The following ZDHHC15 variants were observed in gnomAD, a reference collection of about 807,000 sequenced individuals.
ZDHHC15 encodes zDHHC palmitoyltransferase 15, also known as palmitoyltransferase ZDHHC15.
In ZDHHC15, 19 loss-of-function variants were observed where a neutral mutation model predicts 31.7. The observed-to-expected ratio is 0.60, with a 90% confidence interval of 0.42 to 0.88. The LOEUF is 0.88. Among genes scored for constraint, ZDHHC15 ranks in the 40% least tolerant of loss-of-function variants. ZDHHC15 has a pLI of 0.00. For missense variants in ZDHHC15, 209 were observed against 251.2 expected (o/e 0.83, Z 1.14); for synonymous variants, 103 against 90.0 (o/e 1.14, Z -0.82).
chrX:75,495,783 C>G (rs5938084), intron 2 of ZDHHC15, among the ~76,000 whole-genome samples: 5,683 of 41,386 alleles, frequency 0.14, 459 homozygotes, highest in African/African-American at 0.35. Context: ...GACTGTTGTA[C>G]GGTGGGGGGA....
At chrX:75,390,477 C>T (rs1269240226) in intron 10 of ZDHHC15, among the ~76,000 whole-genome samples, 1 of 111,669 alleles carries the variant, frequency 9.0e-6, no homozygotes, top group East Asian at 2.8e-4. Flanking sequence ...TGTGTTACCC[C>T]TCTCCTAGCT....
intron 3 of ZDHHC15, among the ~76,000 whole-genome samples, chrX:75,462,203 A>G (rs2084328028): frequency 8.9e-6 from 1 of 112,585 alleles, no homozygotes; most frequent in African/African-American, 3.2e-5. Context: ...ATAATGGAAA[A>G]AGGTTCAATT....
chrX:75,445,430 A>G (rs80216438), intron 4 of ZDHHC15, among the ~76,000 whole-genome samples: 1 of 112,016 alleles, frequency 8.9e-6, no homozygotes, highest in Non-Finnish European at 1.9e-5. Flanking sequence ...GTGACTATAT[A>G]TGATAATATT....
chrX:75,443,717 A>G (rs1324577613), intron 4 of ZDHHC15, among the ~76,000 whole-genome samples: 1 of 112,323 alleles, frequency 8.9e-6, no homozygotes, highest in Non-Finnish European at 1.9e-5. Flanking sequence ...CAATCTACCC[A>G]TCTGACAAAG....
intron 11 of ZDHHC15, among the ~76,000 whole-genome samples, chrX:75,374,511 A>G: frequency 9.0e-6 from 1 of 110,516 alleles, no homozygotes. Flanking sequence ...TGCCTACCAT[A>G]TGACTTAGCC....
Position 75,382,614 on chromosome X carries a change from T to G in ZDHHC15, c.968-3416A>C, listed in dbSNP as rs1194550933. Among the ~76,000 whole-genome samples the G allele has an allele frequency of 3.6e-5, 4 of 112,142 alleles. 1 individual carries two copies. The highest frequency in any genetic ancestry group is 3.8e-5 in the Non-Finnish European group (2 of 53,242). On this transcript the variant is annotated intron_variant, in intron 10 of 11. Coordinates refer to ENST00000373367, the MANE Select transcript of ZDHHC15 (RefSeq NM_144969.3). ...GATGTGTTAAGAGGGAACAAGTAAG[T>G]GTATATCGAGAGAATACACGAAGAA... is the stretch of plus-strand genomic sequence containing the variant.
intron 3 of ZDHHC15, among the ~76,000 whole-genome samples, chrX:75,459,985 C>T (rs1283967468): frequency 8.9e-6 from 1 of 111,920 alleles, no homozygotes; most frequent in Non-Finnish European, 1.9e-5. Context: ...AAGCGATTTT[C>T]CTGCCTCAGC....
Position 75,515,894 on chromosome X carries a change from T to C in ZDHHC15, c.136+6995A>G, listed in dbSNP as rs774722914. Among the ~76,000 whole-genome samples the C allele has an allele frequency of 7.1e-5, 8 of 111,976 alleles. No homozygotes were observed. In the South Asian group the frequency reaches 3.0e-3, roughly 42 times the overall value. On this transcript the variant is annotated intron_variant, in intron 1 of 11. Transcript: ENST00000373367. ...AAGCAACTTCAGCAAAGTCTCAGGA[T>C]ACCAAATCAATGTGCAAAAATCACA...
intron 2 of ZDHHC15, among the ~76,000 whole-genome samples, chrX:75,495,495 G>T (rs1422731261): frequency 1.8e-5 from 2 of 110,404 alleles, no homozygotes; most frequent in African/African-American, 3.3e-5. Flanking sequence ...TGTTTATTGC[G>T]GCACTATTCA....
chrX:75,521,263 C>T (rs764558773), intron 1 of ZDHHC15, among the ~76,000 whole-genome samples: 5 of 110,511 alleles, frequency 4.5e-5, no homozygotes, highest in Admixed American at 3.9e-4. Context: ...ATTACAGTGT[C>T]GAAGTGACAA....
intron 10 of ZDHHC15, among the ~76,000 whole-genome samples, chrX:75,409,293 A>G (rs2147814597): frequency 9.1e-6 from 1 of 109,318 alleles, no homozygotes; most frequent in South Asian, 4.0e-4. Flanking sequence ...GGAGTTTGAG[A>G]CCAGCATGGC....
At chrX:75,377,458 T>G (rs947280730) in intron 11 of ZDHHC15, among the ~76,000 whole-genome samples, 2 of 108,597 alleles carry the variant, frequency 1.8e-5, no homozygotes, top group Non-Finnish European at 3.8e-5. Flanking sequence ...ATCACTCCAC[T>G]GCACTCCAAC....
intron 1 of ZDHHC15, among the ~76,000 whole-genome samples, chrX:75,508,784 T>A (rs1244289158): frequency 4.5e-5 from 5 of 111,012 alleles, no homozygotes; most frequent in Non-Finnish European, 9.5e-5. Context: ...AGTGTTCCTA[T>A]TTCTCCACAT....
intron 3 of ZDHHC15, among the ~76,000 whole-genome samples, chrX:75,458,270 A>C (rs1345584637): frequency 8.9e-6 from 1 of 111,828 alleles, no homozygotes; most frequent in Non-Finnish European, 1.9e-5. Context: ...AGGCAAAACC[A>C]ATCTATGGTG....
Position 75,370,040 on chromosome X carries a change from T to C in ZDHHC15, c.*2938A>G, listed in dbSNP as rs1434451533. 1.8e-5 allele frequency: 2 copies of C among 111,765 alleles called. No homozygotes were observed. Among genetic ancestry groups the C allele is most frequent in the African/African-American group, 6.5e-5 (2 of 30,700 alleles). The allele number at this position is 111,765 out of a possible 1,213,427, so 9.2% of individuals were successfully genotyped here. A position where few individuals can be genotyped will look rare whatever the true frequency, so the allele number is the denominator to read the frequency against. On this transcript the variant is annotated 3_prime_UTR_variant, in exon 12 of 12. Transcript: ENST00000373367. Reference sequence around the variant, plus strand: ...ATGGAAGAACATTAACAAAGTGCTCTAAGTCCTGCAAGAACAAATCAGCAA... The same window carrying C: ...ATGGAAGAACATTAACAAAGTGCTCCAAGTCCTGCAAGAACAAATCAGCAA...
intron 3 of ZDHHC15, among the ~76,000 whole-genome samples, chrX:75,463,878 C>T (rs149024319): frequency 8.0e-3 from 892 of 111,824 alleles, no homozygotes; most frequent in Middle Eastern, 0.014. Flanking sequence ...ACAGTGTGGC[C>T]ATTCCTCAAG....
intron 1 of ZDHHC15, among the ~76,000 whole-genome samples, chrX:75,518,790 TATATATATATATATATACACAC>T (rs2085401175): frequency 3.9e-5 from 1 of 25,550 alleles, no homozygotes; most frequent in African/African-American, 1.1e-4. Context: ...TATATATATA[TATATATATATATATATACACAC>T]ACACACACAC....
At chrX:75,468,164 G>A (rs965343625) in intron 3 of ZDHHC15, among the ~76,000 whole-genome samples, 2 of 107,938 alleles carry the variant, frequency 1.9e-5, no homozygotes, top group Admixed American at 1.0e-4. Context: ...TCCTGCCTCC[G>A]CCTCCCGAGT....
At chrX:75,516,310 G>T (rs2085355451) in intron 1 of ZDHHC15, among the ~76,000 whole-genome samples, 1 of 112,085 alleles carries the variant, frequency 8.9e-6, no homozygotes, top group South Asian at 3.7e-4. Flanking sequence ...AAAGCTGGAG[G>T]CATCATGCTA....
Sources: gnomAD v4.1 joint callset for allele counts (sites outside exome capture counted in the v4.1 genomes callset) on GRCh38, gnomAD v4.1.1 for gene constraint, MANE v1.5 for transcripts, NCBI Gene and HGNC (gene_info 2026-07-23, HGNC 2026-07-21) for gene names.